LHFPL5: variants seen among roughly 807,000 people sequenced by gnomAD.
The protein encoded by LHFPL5 is LHFPL tetraspan subfamily member 5.
A neutral mutation model predicts 18.7 loss-of-function variants in LHFPL5; 12 were observed. That is an observed-to-expected ratio of 0.64 (90% CI 0.41 to 1.04). The LOEUF (loss-of-function observed/expected upper bound fraction) is 1.04, where lower values mean the gene tolerates loss of function less well. LHFPL5 is among the 50% of genes least tolerant of loss of function. The pLI is 0.00. For missense variants in LHFPL5, 259 were observed against 292.1 expected (o/e 0.89, Z 0.83); for synonymous variants, 111 against 120.2 (o/e 0.92, Z 0.50).
rs895706793 is a variant in LHFPL5 at position 35,823,107 on chromosome 6, C to T, written c.*142C>T. ...AAGCCTGAAGCCTTTTATTATAACA[C>T]TAAAACTGGACAGTCTCCTGAGACA... On this transcript the variant is annotated 3_prime_UTR_variant, in exon 4 of 4. Transcript: ENST00000360215. 6.6e-6 allele frequency: 1 copy of T among 152,092 alleles called. No homozygotes were observed. Among genetic ancestry groups the T allele is most frequent in the African/African-American group, 2.4e-5 (1 of 41,402 alleles). The allele number at this position is 152,092 out of a possible 1,614,324, so 9.4% of individuals were successfully genotyped here. A position where few individuals can be genotyped will look rare whatever the true frequency, so the allele number is the denominator to read the frequency against.
chr6:35,819,296 A>T, intron 2 of LHFPL5, 141 bp from the exon 3 acceptor site: 1 of 776,506 alleles, frequency 1.3e-6, no homozygotes, highest in Non-Finnish European at 2.3e-6. Context: ...TTACAAGCTG[A>T]TAAATGATAT....
At chr6:35,815,022 G>A (rs1768734258) in intron 2 of LHFPL5, among the ~76,000 whole-genome samples, 1 of 152,190 alleles carries the variant, frequency 6.6e-6, no homozygotes, top group Non-Finnish European at 1.5e-5. Flanking sequence ...ACTCTCAGAG[G>A]CTATAGGGGA....
Position 35,814,191 on chromosome 6 carries a change from A to G in LHFPL5, c.413-355A>G, listed in dbSNP as rs115403019. Among the ~76,000 whole-genome samples, 5,096 of 152,306 alleles carry G rather than the reference A, an allele frequency of 0.033. 102 individuals carry two copies. Among genetic ancestry groups the G allele is most frequent in the Middle Eastern group, 0.065 (19 of 294 alleles). On this transcript the variant is annotated intron_variant, in intron 1 of 3. Coordinates refer to ENST00000360215, the MANE Select transcript of LHFPL5 (RefSeq NM_182548.4). This position sits in a 1 kb window ranked among gnomAD's most constrained non-coding sequence, Gnocchi z 4.2. ...TGAGTTCTTTGGGCTGGGACTAGAT[A>G]CCGGAGGGCTTTGAAGCCAGGGTAG... is the stretch of plus-strand genomic sequence containing the variant.
chr6:35,813,787 T>C (rs1435663646), intron 1 of LHFPL5, among the ~76,000 whole-genome samples: 2 of 149,166 alleles, frequency 1.3e-5, no homozygotes, highest in Non-Finnish European at 3.0e-5. Context: ...TTCTTTTTCC[T>C]TTTCCTTTTT....
intron 1 of LHFPL5, 122 bp downstream of exon 1, chr6:35,806,204 C>T (rs763012987): frequency 9.8e-7 from 1 of 1,022,740 alleles, no homozygotes; most frequent in Non-Finnish European, 1.4e-6. Flanking sequence ...ATAGCCCAGT[C>T]CTACTCAGTG....
At chr6:35,813,615 C>A (rs1768707927) in intron 1 of LHFPL5, among the ~76,000 whole-genome samples, 2 of 151,890 alleles carry the variant, frequency 1.3e-5, no homozygotes, top group Non-Finnish European at 2.9e-5. Context: ...GAGGAGGAAA[C>A]CTGTTTGCTT....
chr6:35,809,795 C>T (rs1768633606), intron 1 of LHFPL5, among the ~76,000 whole-genome samples: 1 of 152,202 alleles, frequency 6.6e-6, no homozygotes, highest in Admixed American at 6.5e-5. Flanking sequence ...TGAGCCACCG[C>T]ACCCGGCCTT....
intron 3 of LHFPL5, among the ~76,000 whole-genome samples, chr6:35,821,225 A>T (rs1182056670): frequency 6.7e-6 from 1 of 150,092 alleles, no homozygotes; most frequent in Non-Finnish European, 1.5e-5. Context: ...AATCGCTTGA[A>T]CCCAGGAGGC....
rs75076993 is a variant in LHFPL5, at chr6:35,807,558, A to T, written c.412+1476A>T. 1.7e-3 allele frequency among the ~76,000 whole-genome samples: 253 copies of T among 152,306 alleles called. 6 individuals are homozygous for T. The South Asian group carries it at 0.025, about 15-fold the overall frequency. On this transcript the variant is annotated intron_variant, in intron 1 of 3. Transcript: ENST00000360215. ...CTGGAAACTAGAGTGAAACCATCTC[A>T]TTGGTCAGAATGAGAAGTGCTGTCA...
intron 2 of LHFPL5, among the ~76,000 whole-genome samples, chr6:35,815,568 C>G (rs188019975): frequency 6.6e-6 from 1 of 152,210 alleles, no homozygotes; most frequent in African/African-American, 2.4e-5. Flanking sequence ...GTGGCCATCA[C>G]TGGGGACCTG....
At chr6:35,819,357 T>G (rs1361123528) in intron 2 of LHFPL5, 80 bp from the exon 3 acceptor site, 27 of 1,295,512 alleles carry the variant, frequency 2.1e-5, no homozygotes, top group South Asian at 2.0e-4. Flanking sequence ...TGATGTAGTT[T>G]GGAGATGGAG....
At chr6:35,821,776 C>T (rs1026127341) in intron 3 of LHFPL5, among the ~76,000 whole-genome samples, 1 of 149,594 alleles carries the variant, frequency 6.7e-6, no homozygotes, top group Non-Finnish European at 1.5e-5. Context: ...CCACCGTGCT[C>T]GGCTCCCTTT....
At chr6:35,812,260 T>G (rs937880031) in intron 1 of LHFPL5, among the ~76,000 whole-genome samples, 4 of 152,210 alleles carry the variant, frequency 2.6e-5, no homozygotes, top group Admixed American at 6.5e-5. Flanking sequence ...CTCCTGACCT[T>G]CTTTGTAGAA....
rs1371364200 is a variant in LHFPL5 at position 35,814,556 on chromosome 6, A to T, written c.423A>T (p.Leu141=). 6.8e-6 allele frequency: 11 copies of T among 1,613,780 alleles called. No homozygotes were observed. Among genetic ancestry groups the T allele is most frequent in the African/African-American group, 1.3e-5 (1 of 74,896 alleles). Residue 141 remains leucine, a synonymous_variant, in exon 2 of 4, where the codon CTA becomes CTT. Transcript: ENST00000360215. The surrounding 1 kb of genome is among the most constrained non-coding windows in gnomAD (Gnocchi z 4.2). ...CTCCTTCCCCCTCAGCCACAGGCCT[A>T]ATGATTGGCTGCCTGGTCTACCCTG... ...AWMQLAAATG[L]MIGCLVYPDG... is the part of the protein sequence containing the mutation.
At chr6:35,818,362 T>A (rs1196340117) in intron 2 of LHFPL5, among the ~76,000 whole-genome samples, 2 of 138,650 alleles carry the variant, frequency 1.4e-5, no homozygotes, top group African/African-American at 5.5e-5. Context: ...TTTTTTTTTT[T>A]TTTTTTTTTT....
intron 1 of LHFPL5, among the ~76,000 whole-genome samples, chr6:35,808,600 T>G (rs1768614356): frequency 8.7e-6 from 1 of 114,776 alleles, no homozygotes; most frequent in Non-Finnish European, 1.8e-5. Context: ...TATATATATA[T>G]ATATATGAAC....
At chr6:35,807,171 C>T (rs971236043) in intron 1 of LHFPL5, among the ~76,000 whole-genome samples, 5 of 152,062 alleles carry the variant, frequency 3.3e-5, no homozygotes, top group Admixed American at 1.3e-4. Flanking sequence ...CAGCGGCTCA[C>T]ACCTGTAATC....
chr6:35,806,509 C>T (rs1768570959), intron 1 of LHFPL5, among the ~76,000 whole-genome samples: 1 of 152,126 alleles, frequency 6.6e-6, no homozygotes, highest in African/African-American at 2.4e-5. Flanking sequence ...GTAGTGACAC[C>T]AGTCAAGCAC....
chr6:35,822,231 A>G (rs539762834), intron 3 of LHFPL5, among the ~76,000 whole-genome samples: 8 of 152,088 alleles, frequency 5.3e-5, no homozygotes, highest in African/African-American at 1.9e-4. Flanking sequence ...TTAGACATTT[A>G]GGGTTGCTAT....
Sources: gnomAD v4.1 joint callset for allele counts (sites outside exome capture counted in the v4.1 genomes callset) on GRCh38, gnomAD v4.1.1 for gene constraint, Gnocchi (gnomAD v3.1) non-coding constraint, MANE v1.5 for transcripts, NCBI Gene and HGNC (gene_info 2026-07-23, HGNC 2026-07-21) for gene names.